Variants in HERC3 observed in about 807,000 individuals in gnomAD.
HERC3 encodes HECT and RLD domain containing E3 ubiquitin protein ligase 3.
A neutral mutation model predicts 129.9 loss-of-function variants in HERC3; 58 were observed. That is an observed-to-expected ratio of 0.45 (90% CI 0.36 to 0.56). The LOEUF (loss-of-function observed/expected upper bound fraction) is 0.56. Among genes scored for constraint, HERC3 ranks in the 20% least tolerant of loss-of-function variants. HERC3 has a pLI of 0.00. For missense variants in HERC3, 835 were observed against 1,244.2 expected, an observed-to-expected ratio of 0.67 and a Z score of 4.95; for synonymous variants, 430 against 451.0, an observed-to-expected ratio of 0.95 and a Z score of 0.59.
intron 25 of HERC3, among the ~76,000 whole-genome samples, chr4:88,706,400 A>G (rs1266683204): frequency 6.6e-6 from 1 of 152,196 alleles, no homozygotes; most frequent in African/African-American, 2.4e-5. Flanking sequence ...TCCGTAGACA[A>G]GGTGGTACAG....
At chr4:88,599,241 C>A (rs1171970511) in intron 2 of HERC3, among the ~76,000 whole-genome samples, 2 of 152,190 alleles carry the variant, frequency 1.3e-5, no homozygotes, top group East Asian at 3.8e-4. Flanking sequence ...GAACTTCTCT[C>A]CTGAAAGCTA....
chr4:88,562,512 C>T, the HERC3 span, among the ~76,000 whole-genome samples: 279 of 152,078 alleles, frequency 1.8e-3, no homozygotes, highest in Non-Finnish European at 2.8e-3. Context: ...TGATGTGATC[C>T]CATGTGTCCA....
chr4:88,597,679 G>A (rs1198542886), intron 2 of HERC3, among the ~76,000 whole-genome samples: 1 of 152,214 alleles, frequency 6.6e-6, no homozygotes, highest in Non-Finnish European at 1.5e-5. Context: ...CTGCAGAGAA[G>A]TCATTCTTCC....
rs766298017 is a variant in HERC3 at position 88,681,342 on chromosome 4, C to T, written c.2507+17C>T. On this transcript the variant is annotated intron_variant, in intron 21 of 25. Transcript: ENST00000402738. The stretch of plus-strand genomic sequence containing the variant: ...TGAAGGAAGGTACAAAGCTAAAAGG[C>T]GATTGGTATCTGAAACTGTTGTGGC... The T allele has an allele frequency of 3.8e-6, 6 of 1,599,100 alleles. No individual in the cohort carries two copies. Among genetic ancestry groups the T allele is most frequent in the Middle Eastern group, 3.4e-4 (2 of 5,960 alleles).
intron 21 of HERC3, among the ~76,000 whole-genome samples, chr4:88,682,324 A>G (rs1732867840): frequency 6.6e-6 from 1 of 151,666 alleles, no homozygotes; most frequent in South Asian, 2.1e-4. Context: ...TTTTCATTTT[A>G]TTTTTTTTAA....
intron 3 of HERC3, among the ~76,000 whole-genome samples, chr4:88,619,556 T>C (rs768271955): frequency 2.0e-5 from 3 of 152,222 alleles, no homozygotes; most frequent in Non-Finnish European, 4.4e-5. Flanking sequence ...GGAATGTGTT[T>C]ACAACCGTGA....
the HERC3 span, among the ~76,000 whole-genome samples, chr4:88,561,285 A>G: frequency 1.5e-4 from 23 of 152,272 alleles, no homozygotes; most frequent in South Asian, 6.2e-4. Context: ...CTTGAGCATA[A>G]TGGGAACCTG....
the HERC3 span, among the ~76,000 whole-genome samples, chr4:88,558,908 C>T: frequency 1.3e-5 from 2 of 149,214 alleles, no homozygotes; most frequent in Admixed American, 6.7e-5. Context: ...GCGGAGCTTG[C>T]AGTGAGCCGA....
At chr4:88,672,453 T>C (rs532648892) in intron 16 of HERC3, among the ~76,000 whole-genome samples, 1 of 152,362 alleles carries the variant, frequency 6.6e-6, no homozygotes, top group Admixed American at 6.5e-5. Context: ...GGTACAATGC[T>C]ATTAGAAATT....
chr4:88,574,096 A>G, the HERC3 span, among the ~76,000 whole-genome samples: 3 of 152,114 alleles, frequency 2.0e-5, no homozygotes, highest in South Asian at 2.1e-4. Flanking sequence ...ATCTATAGCC[A>G]TTTGAAAACT....
chr4:88,561,634 T>C, the HERC3 span, among the ~76,000 whole-genome samples: 1 of 152,142 alleles, frequency 6.6e-6, no homozygotes, highest in Non-Finnish European at 1.5e-5. Context: ...TTGTACTCAT[T>C]ACCTATCTTC....
chr4:88,538,557 T>C, the HERC3 span, among the ~76,000 whole-genome samples: 1 of 151,452 alleles, frequency 6.6e-6, no homozygotes, highest in South Asian at 2.1e-4. Context: ...TTTTTTTTTT[T>C]TTTTTTGACG....
chr4:88,681,556 C>G (rs949221180), intron 21 of HERC3, among the ~76,000 whole-genome samples: 1 of 152,182 alleles, frequency 6.6e-6, no homozygotes, highest in Non-Finnish European at 1.5e-5. Context: ...GGACAACCTG[C>G]AGATACCAAA....
At chr4:88,539,595 G>T in the HERC3 span, among the ~76,000 whole-genome samples, 1 of 152,214 alleles carries the variant, frequency 6.6e-6, no homozygotes, top group Non-Finnish European at 1.5e-5. Context: ...TCTGAGAATG[G>T]ACAGACTGCC....
At chr4:88,687,832 AAATTC>A (rs1380834384) in intron 23 of HERC3, among the ~76,000 whole-genome samples, 1 of 152,232 alleles carries the variant, frequency 6.6e-6, no homozygotes, top group Non-Finnish European at 1.5e-5. Context: ...TCATAACAAC[AAATTC>A]AAGTACATTT....
the HERC3 span, among the ~76,000 whole-genome samples, chr4:88,580,678 A>G: frequency 6.6e-6 from 1 of 152,214 alleles, no homozygotes; most frequent in Non-Finnish European, 1.5e-5. Context: ...ATTAGGTGGT[A>G]AATGCTGCTC....
At chr4:88,674,314 T>C (rs997966475) in intron 16 of HERC3, among the ~76,000 whole-genome samples, 23 of 152,070 alleles carry the variant, frequency 1.5e-4, no homozygotes, top group African/African-American at 5.3e-4. Context: ...AAACTGCTGA[T>C]TGATGTCTGA....
intron 21 of HERC3, 56 bp downstream of exon 21, chr4:88,681,381 AG>A: frequency 6.9e-7 from 1 of 1,449,118 alleles, no homozygotes; most frequent in Non-Finnish European, 9.5e-7. Context: ...CTCTGGCATG[AG>A]GATTAAAGGT....
At chr4:88,695,244 T>C (rs1431987076) in intron 23 of HERC3, among the ~76,000 whole-genome samples, 4 of 152,196 alleles carry the variant, frequency 2.6e-5, no homozygotes, top group Admixed American at 2.6e-4. Context: ...TTGTTTGTAC[T>C]CAACAATCTG....
Sources: allele counts gnomAD v4.1 joint callset (sites outside exome capture counted in the v4.1 genomes callset), GRCh38; gene constraint gnomAD v4.1.1; transcripts MANE v1.5; gene names NCBI Gene and HGNC (gene_info 2026-07-23, HGNC 2026-07-21).